SHANK2: variants seen among roughly 807,000 people sequenced by gnomAD.
SHANK2 encodes the protein SH3 and multiple ankyrin repeat domains protein 2.
In SHANK2, 43 loss-of-function variants were observed where a neutral mutation model predicts 133.7. The ratio of observed to expected loss-of-function variants is 0.32; its 90% CI spans 0.25 to 0.41. SHANK2 has a LOEUF of 0.41. Among genes scored for constraint, SHANK2 ranks in the 10% least tolerant of loss-of-function variants. The probability of loss-of-function intolerance (pLI) is 1.00; values close to 1 mark genes in which losing one functional copy is unlikely to be tolerated. For synonymous variants in SHANK2, 1,017 were observed against 952.8 expected, an observed-to-expected ratio of 1.07 and a Z score of -1.24; for missense variants, 1,994 against 2,235.8, an observed-to-expected ratio of 0.89 and a Z score of 2.18.
intron 17 of SHANK2, among the ~76,000 whole-genome samples, chr11:70,512,432 A>G (rs940700830): frequency 2.6e-5 from 4 of 152,240 alleles, no homozygotes; most frequent in African/African-American, 9.6e-5. Context: ...CATCATGACT[A>G]TGTAAAATCT....
At chr11:71,241,494 T>A (rs1954892225) in intron 1 of SHANK2, among the ~76,000 whole-genome samples, 1 of 152,142 alleles carries the variant, frequency 6.6e-6, no homozygotes, top group South Asian at 2.1e-4. Flanking sequence ...AATGACCCAT[T>A]GCACAATCAG....
chr11:70,643,121 C>G (rs1436885976), intron 17 of SHANK2, among the ~76,000 whole-genome samples: 1 of 152,240 alleles, frequency 6.6e-6, no homozygotes, highest in Non-Finnish European at 1.5e-5. Context: ...CTCCACCCAT[C>G]TCTTCCTCCA....
At chr11:70,597,066 T>C (rs1249781572) in intron 17 of SHANK2, among the ~76,000 whole-genome samples, 1 of 152,002 alleles carries the variant, frequency 6.6e-6, no homozygotes, top group Admixed American at 6.6e-5. Flanking sequence ...TGAACAAAGC[T>C]GAATAATTGT....
intron 17 of SHANK2, among the ~76,000 whole-genome samples, chr11:70,612,921 AT>A (rs1195549648): frequency 6.6e-6 from 1 of 152,114 alleles, no homozygotes; most frequent in African/African-American, 2.4e-5. Flanking sequence ...GCATTCATTC[AT>A]TCTCCCACCA....
In SHANK2 at chr11:70,485,105, C is replaced by T. The variant is rs1282025992; in HGVS notation, c.4979+209G>A. 6.6e-6 allele frequency among the ~76,000 whole-genome samples: 1 copy of T among 152,208 alleles called. No homozygotes were observed. The highest frequency in any genetic ancestry group is 1.9e-4 in the East Asian group (1 of 5,200). On this transcript the variant is annotated intron_variant, in intron 25 of 25. Coordinates refer to ENST00000601538, the MANE Select transcript of SHANK2 (RefSeq NM_012309.5). The surrounding 1 kb of genome is among the most constrained non-coding windows in gnomAD (Gnocchi z 5.8). ...AAGTCTTTATGAAGGAGTGCTGTGT[C>T]CCACCAGGATGGCTGTGATCATTAC...
At chr11:70,950,980 T>C (rs1950826884) in intron 10 of SHANK2, 1 of 165,586 alleles carries the variant, frequency 6.0e-6, no homozygotes, top group African/African-American at 2.4e-5. Flanking sequence ...ACACATGAAT[T>C]TGAAGGCACA....
chr11:71,154,527 C>A (rs1952861007), intron 2 of SHANK2, among the ~76,000 whole-genome samples: 1 of 152,232 alleles, frequency 6.6e-6, no homozygotes, highest in Non-Finnish European at 1.5e-5. Flanking sequence ...CTGCAAAACA[C>A]ATCAGCTGAG....
chr11:70,886,810 C>A (rs782722213), intron 11 of SHANK2, among the ~76,000 whole-genome samples: 3 of 152,150 alleles, frequency 2.0e-5, no homozygotes, highest in South Asian at 2.1e-4. Context: ...TATACAGGCA[C>A]CCGGTCTTGA....
intron 17 of SHANK2, among the ~76,000 whole-genome samples, chr11:70,583,147 C>T (rs10459049): frequency 0.85 from 129,109 of 152,144 alleles, 54,873 homozygotes; most frequent in Middle Eastern, 0.9. Flanking sequence ...AAGGGAGTTA[C>T]GGAGGCCAGA....
At chr11:70,888,884 G>A (rs1377317184) in intron 11 of SHANK2, among the ~76,000 whole-genome samples, 1 of 152,160 alleles carries the variant, frequency 6.6e-6, no homozygotes, top group East Asian at 1.9e-4. Context: ...AACAAGAGCT[G>A]GGGGAGGAGC....
chr11:70,697,926 C>A (rs2134481006), intron 15 of SHANK2, among the ~76,000 whole-genome samples: 1 of 152,290 alleles, frequency 6.6e-6, no homozygotes, highest in East Asian at 1.9e-4. Context: ...CCTTGTTGAG[C>A]TTCAACATCC....
intron 17 of SHANK2, among the ~76,000 whole-genome samples, chr11:70,577,351 C>T (rs187196203): frequency 1.2e-4 from 19 of 152,304 alleles, no homozygotes; most frequent in Non-Finnish European, 2.2e-4. Flanking sequence ...TGAGGAGGGC[C>T]GTGGCCACGC....
chr11:70,737,193 T>C (rs924004181), intron 14 of SHANK2, among the ~76,000 whole-genome samples: 1 of 152,048 alleles, frequency 6.6e-6, no homozygotes, highest in African/African-American at 2.4e-5. Context: ...CCCCCAGGGG[T>C]AGGGGACTGG....
At chr11:70,729,232 A>C (rs1946233319) in intron 14 of SHANK2, among the ~76,000 whole-genome samples, 1 of 151,860 alleles carries the variant, frequency 6.6e-6, no homozygotes, top group Non-Finnish European at 1.5e-5. Flanking sequence ...AGAAAGAAAG[A>C]AATACTGATA....
At chr11:70,694,863 G>A (rs1359225007) in intron 15 of SHANK2, among the ~76,000 whole-genome samples, 9 of 152,160 alleles carry the variant, frequency 5.9e-5, no homozygotes, top group Admixed American at 1.3e-4. Flanking sequence ...CTCTCTGCCT[G>A]CACTGCCCAC....
chr11:70,780,698 G>A (rs977865030), intron 14 of SHANK2, among the ~76,000 whole-genome samples: 1 of 150,900 alleles, frequency 6.6e-6, no homozygotes, highest in African/African-American at 2.4e-5. Flanking sequence ...TCAGCCTCCC[G>A]AGTAGCTGGG....
intron 11 of SHANK2, among the ~76,000 whole-genome samples, chr11:70,837,545 A>C (rs1948838335): frequency 6.6e-6 from 1 of 152,122 alleles, no homozygotes; most frequent in African/African-American, 2.4e-5. Context: ...CATTGTATTT[A>C]TTGAACATTG....
intron 14 of SHANK2, among the ~76,000 whole-genome samples, chr11:70,752,971 G>T (rs1212980586): frequency 6.6e-6 from 1 of 151,708 alleles, no homozygotes; most frequent in Non-Finnish European, 1.5e-5. Context: ...AAATTAGCTG[G>T]GTGTGGTGGC....
intron 2 of SHANK2, among the ~76,000 whole-genome samples, chr11:71,221,758 A>T (rs2135731450): frequency 6.6e-6 from 1 of 152,296 alleles, no homozygotes; most frequent in Middle Eastern, 3.4e-3. Flanking sequence ...TTTTCTGAGC[A>T]GCAAGGGGAG....
Sources: allele counts gnomAD v4.1 joint callset (sites outside exome capture counted in the v4.1 genomes callset), GRCh38; gene constraint gnomAD v4.1.1; non-coding constraint Gnocchi (gnomAD v3.1); transcripts MANE v1.5; gene names NCBI Gene and HGNC (gene_info 2026-07-23, HGNC 2026-07-21).